The following POLR3GL variants were observed in gnomAD, a reference collection of about 807,000 sequenced individuals.
POLR3GL encodes the protein DNA-directed RNA polymerase III subunit RPC7-like.
POLR3GL carries 26 observed loss-of-function variants against 32.4 expected under a neutral mutation model. The ratio of observed to expected loss-of-function variants is 0.80; its 90% confidence interval spans 0.59 to 1.11. POLR3GL has a LOEUF of 1.11. Ranked by LOEUF, POLR3GL falls within the 50% of genes most tolerant of loss-of-function variation. The probability of loss-of-function intolerance (pLI) is 0.00; values close to 1 mark genes in which losing one functional copy is unlikely to be tolerated. For missense variants in POLR3GL, 229 were observed against 280.1 expected (o/e 0.82, Z 1.30); for synonymous variants, 95 against 98.7 (o/e 0.96, Z 0.22).
chr1:145,978,156 C>T, intron 7 of POLR3GL, 60 bp downstream of exon 7: 1 of 1,560,394 alleles, frequency 6.4e-7, no homozygotes. Flanking sequence ...ACTAGGGTTG[C>T]TCTCCTCAGA....
intron 1 of POLR3GL, among the ~76,000 whole-genome samples, chr1:145,972,765 A>G (rs1553762893): frequency 2.6e-5 from 4 of 151,946 alleles, no homozygotes. Context: ...AAGTGGTGCA[A>G]TCATAACATT....
chr1:145,970,491 A>G (rs1259331018), intron 1 of POLR3GL, among the ~76,000 whole-genome samples: 1 of 151,980 alleles, frequency 6.6e-6, no homozygotes, highest in Non-Finnish European at 1.5e-5. Flanking sequence ...AATAGATTAT[A>G]TATTTTAGAA....
chr1:145,971,129 T>A (rs1399865035), intron 1 of POLR3GL, among the ~76,000 whole-genome samples: 1 of 126,632 alleles, frequency 7.9e-6, no homozygotes, highest in Non-Finnish European at 1.5e-5. Flanking sequence ...GAAGTTGCAG[T>A]GAGCCGAGAT....
chr1:145,966,376 G>A (rs1425711672), intron 1 of POLR3GL, among the ~76,000 whole-genome samples: 2 of 151,694 alleles, frequency 1.3e-5, no homozygotes, highest in Admixed American at 1.3e-4. Flanking sequence ...CAGCTGCTCA[G>A]GAGGCTGAGG....
At chr1:145,975,202 G>C (rs1650497639) in intron 2 of POLR3GL, 105 bp from the exon 3 acceptor site, 1 of 1,432,804 alleles carries the variant, frequency 7.0e-7, no homozygotes, top group Non-Finnish European at 9.6e-7. Context: ...ATTGTCATTT[G>C]GCCCTCTGCT....
At chr1:145,972,801 C>T (rs1157335726) in intron 1 of POLR3GL, among the ~76,000 whole-genome samples, 1 of 152,090 alleles carries the variant, frequency 6.6e-6, no homozygotes, top group African/African-American at 2.4e-5. Flanking sequence ...CCGGCTCAAG[C>T]AATCCTTCCC....
chr1:145,970,875 CAAAAAAAAAA>C (rs35524546), intron 1 of POLR3GL, among the ~76,000 whole-genome samples: 1 of 13,198 alleles, frequency 7.6e-5, no homozygotes, highest in East Asian at 2.9e-3. Flanking sequence ...AACTCCATCT[CAAAAAAAAAA>C]AAAAAAAAAA....
intron 6 of POLR3GL, 55 bp downstream of exon 6, chr1:145,977,906 CTT>C: frequency 6.2e-7 from 1 of 1,613,984 alleles, no homozygotes; most frequent in Non-Finnish European, 8.5e-7. Flanking sequence ...TTCCCTCTCT[CTT>C]GGCCCATGTG....
At chr1:145,965,094 C>G (rs1649958539) in intron 1 of POLR3GL, among the ~76,000 whole-genome samples, 1 of 152,210 alleles carries the variant, frequency 6.6e-6, no homozygotes, top group Admixed American at 6.5e-5. Context: ...GAAATGCTAC[C>G]TGTAGTTTTC....
rs782758424 is a variant in POLR3GL at position 145,975,411 on chromosome 1, C to G, written c.231C>G (p.Phe77Leu). 1 of 1,614,048 alleles carries G rather than the reference C, an allele frequency of 6.2e-7. No homozygotes were observed. Among genetic ancestry groups the G allele is most frequent in the Admixed American group, 1.7e-5 (1 of 60,020 alleles). ...LRGAMRQLPY[F>L]IRPAVPKRDV... ...GAGCCATGAGGCAGCTCCCCTACTT[C>G]ATCCGGCCAGCTGTCCCCAAGAGAG... is the stretch of plus-strand genomic sequence containing the variant. Residue 77 changes from phenylalanine (F) to leucine (L), a missense_variant, in exon 3 of 8, where the codon TTC (phenylalanine) becomes TTG (leucine). Transcript: ENST00000369314.
rs782186587 is a variant in POLR3GL, at chr1:145,972,012, A to ATATATATATATGTG, written c.-41-2813_-41-2812insTATATATATATGTG. On this transcript the variant is annotated intron_variant, in intron 1 of 7. Coordinates refer to ENST00000369314, the MANE Select transcript of POLR3GL (RefSeq NM_032305.3). ...AAAATATATATATATATATATATAT[A>ATATATATATATGTG]CGTGTGTGTGTGTGTGTGTATATAT... Among the ~76,000 whole-genome samples, 65 of 112,578 alleles carry ATATATATATATGTG rather than the reference A, an allele frequency of 5.8e-4. 2 individuals carry two copies. The highest frequency in any genetic ancestry group is 2.5e-3 in the African/African-American group (61 of 24,494). The allele number at this position is 112,578 out of a possible 152,430, so 73.9% of individuals were successfully genotyped here. A position where few individuals can be genotyped will look rare whatever the true frequency, so the allele number is the denominator to read the frequency against.
chr1:145,966,684 G>C (rs1650051815), intron 1 of POLR3GL, among the ~76,000 whole-genome samples: 1 of 152,002 alleles, frequency 6.6e-6, no homozygotes, highest in Non-Finnish European at 1.5e-5. Flanking sequence ...AGTTACTCGG[G>C]GGGCTGAGGC....
In POLR3GL at chr1:145,964,766, C is replaced by CCTTTGGT. The variant is rs1649943991; in HGVS notation, c.-44_-43insCTTTGGT. 1.3e-5 allele frequency: 2 copies of CCTTTGGT among 152,304 alleles called. No individual in the cohort carries two copies. The highest frequency in any genetic ancestry group is 2.4e-5 in the African/African-American group (1 of 41,452). The allele number at this position is 152,304 out of a possible 1,614,324, so 9.4% of individuals were successfully genotyped here. A position where few individuals can be genotyped will look rare whatever the true frequency, so the allele number is the denominator to read the frequency against. Reference sequence around the variant, plus strand: ...TGGGCTCCGCTTTGGGGAGGGGCAGCAGGTAAGGCTTGACCTGGTTCGGTC... The same window carrying CCTTTGGT: ...TGGGCTCCGCTTTGGGGAGGGGCAGCCTTTGGTAGGTAAGGCTTGACCTGGTTCGGTC... On this transcript the variant is annotated splice_region_variant and 5_prime_UTR_variant, in exon 1 of 8. Transcript: ENST00000369314.
chr1:145,973,899 A>C (rs1650436320), intron 1 of POLR3GL, among the ~76,000 whole-genome samples: 1 of 151,254 alleles, frequency 6.6e-6, no homozygotes, highest in African/African-American at 2.4e-5. Context: ...TCATGCCTGT[A>C]ATCCCAGCAC....
chr1:145,971,964 CAAAAAAAAAA>C (rs1187495263), intron 1 of POLR3GL, among the ~76,000 whole-genome samples: 1 of 45,590 alleles, frequency 2.2e-5, no homozygotes, highest in African/African-American at 1.2e-4. Context: ...GACTCTGTCT[CAAAAAAAAAA>C]AAAAAAAAAA....
At chr1:145,975,599 T>C (rs1242926696) in intron 3 of POLR3GL, among the ~76,000 whole-genome samples, 163 bp downstream of exon 3, 1 of 152,254 alleles carries the variant, frequency 6.6e-6, no homozygotes, top group Non-Finnish European at 1.5e-5. Context: ...TCATGGTTTG[T>C]TTTGAGTCTC....
rs1650479518 is a variant in POLR3GL at position 145,974,892 on chromosome 1, T to A, written c.27T>A (p.Gly9=). The change falls in exon 2 of 8, where the codon GGT becomes GGA. Residue 9 remains glycine, a synonymous_variant. Coordinates refer to ENST00000369314, the MANE Select transcript of POLR3GL (RefSeq NM_032305.3). Reference sequence around the variant, plus strand: ...TGGCCAGCCGGGGTGGGGGCCGGGGTCGTGGCCGGGGCCAGTTGACCTTCA... The same window carrying A: ...TGGCCAGCCGGGGTGGGGGCCGGGGACGTGGCCGGGGCCAGTTGACCTTCA... MASRGGGR[G]RGRGQLTFNV... 6.6e-7 allele frequency: 1 copy of A among 1,517,368 alleles called. No individual in the cohort carries two copies. 94.0% of individuals were successfully genotyped at this position (1,517,368 alleles called of 1,614,324 possible). A position where few individuals can be genotyped will look rare whatever the true frequency, so the allele number is the denominator to read the frequency against.
intron 1 of POLR3GL, among the ~76,000 whole-genome samples, chr1:145,969,262 C>T (rs1553762325): frequency 6.6e-6 from 1 of 151,748 alleles, no homozygotes; most frequent in African/African-American, 2.4e-5. Context: ...CCACAACTGG[C>T]CCATTAAAAA....
At chr1:145,977,248 G>A (rs949535093) in intron 4 of POLR3GL, 96 bp downstream of exon 4, 111 of 1,105,378 alleles carry the variant, frequency 1.0e-4, no homozygotes, top group Admixed American at 6.6e-4. Flanking sequence ...CCCATTCCCC[G>A]ATCCAGCATC....
Sources: allele counts gnomAD v4.1 joint callset (sites outside exome capture counted in the v4.1 genomes callset), GRCh38; gene constraint gnomAD v4.1.1; transcripts MANE v1.5; gene names NCBI Gene and HGNC (gene_info 2026-07-23, HGNC 2026-07-21).